The following NBEAL2 variants were observed in gnomAD, a reference collection of about 807,000 sequenced individuals.
NBEAL2 encodes neurobeachin-like protein 2.
A neutral mutation model predicts 299.8 loss-of-function variants in NBEAL2; 160 were observed. That is an observed-to-expected ratio of 0.53 (90% CI 0.47 to 0.61). The LOEUF is 0.61. Among genes scored for constraint, NBEAL2 ranks in the 20% least tolerant of loss-of-function variants. The pLI is 0.00. For missense variants in NBEAL2, 3,112 were observed against 3,649.0 expected (o/e 0.85, Z 3.79); for synonymous variants, 1,493 against 1,542.3 (o/e 0.97, Z 0.75).
In NBEAL2 at chr3:46,998,823, G is replaced by A. The variant is rs775822633; in HGVS notation, c.3328G>A (p.Val1110Met). Residue 1110 changes from valine (V) to methionine (M), a missense_variant, in exon 23 of 54, where the codon GTG (valine) becomes ATG (methionine). Val to Met is a conservative substitution (Grantham distance 21). This residue lies in a region of NBEAL2 where 2,243 missense variants were observed against 2,538.1 expected (regional missense o/e 0.88). Transcript: ENST00000450053. ...FLVRSLSADDVQVTQTMLSFL... is the reference protein window; with the variant it reads ...FLVRSLSADDMQVTQTMLSFL... ...GGTGCGGAGTCTCTCAGCAGATGACGTGCAGGTCACGCAGACCATGCTGAG... is the reference window on the plus strand; with the variant it reads ...GGTGCGGAGTCTCTCAGCAGATGACATGCAGGTCACGCAGACCATGCTGAG... The A allele has an allele frequency of 9.5e-6, 15 of 1,572,464 alleles. No homozygotes were observed. The highest frequency in any genetic ancestry group is 2.4e-5 in the East Asian group (1 of 42,528).
At chr3:46,997,796 G>A in intron 20 of NBEAL2, 102 bp downstream of exon 20, 2 of 1,398,852 alleles carry the variant, frequency 1.4e-6, no homozygotes, top group East Asian at 2.5e-5. Flanking sequence ...AACCTCCTGG[G>A]AGAGTTGCCA....
Position 46,989,043 on chromosome 3 carries a change from A to G in NBEAL2, c.270-42A>G, listed in dbSNP as rs1334536061. The G allele has an allele frequency of 4.3e-6, 7 of 1,611,844 alleles. No homozygotes were observed. The highest frequency in any genetic ancestry group is 5.9e-6 in the Non-Finnish European group (7 of 1,178,854). ...AGAGGGAGAGGGGACAAGGAGGGGC[A>G]TGGTGTATTATTGTGACCTCTCTCA... On this transcript the variant is annotated intron_variant, in intron 3 of 53. Transcript: ENST00000450053. The surrounding 1 kb of genome is among the most constrained non-coding windows in gnomAD (Gnocchi z 5.5).
chr3:46,998,019 C>T, intron 20 of NBEAL2, 48 bp from the exon 21 acceptor site: 1 of 1,514,398 alleles, frequency 6.6e-7, no homozygotes, highest in South Asian at 1.3e-5. Flanking sequence ...GCTCAGACAG[C>T]AGACAGGCAG....
rs1298460797 is a variant in NBEAL2, at chr3:47,008,075, T to C, written c.7608T>C (p.Gly2536=). Residue 2536 remains glycine (G), a synonymous_variant, in exon 50 of 54, where the codon GGT becomes GGC. Coordinates refer to ENST00000450053, the MANE Select transcript of NBEAL2 (RefSeq NM_015175.3). ...CCAACCCTGGTCCTCCACAGGGTGGTCTGTCAGTAGGCCTGGCACCAAAGC... is the reference window on the plus strand; with the variant it reads ...CCAACCCTGGTCCTCCACAGGGTGGCCTGTCAGTAGGCCTGGCACCAAAGC... ...CMVWRLLHQG[G]LSVGLAPKPV... The C allele has an allele frequency of 6.2e-7, 1 of 1,613,756 alleles. No homozygotes were observed. The highest frequency in any genetic ancestry group is 8.5e-7 in the Non-Finnish European group (1 of 1,179,842).
At position 47,000,308 on chromosome 3, in the gene NBEAL2, C is replaced by G; in HGVS notation, c.4209C>G (p.Gly1403=). ...CGCGGCCCTTTCCTGCTGCTCCTGG[C>G]CGCCACAGCTCCAGTCTCTCCAATG... ...DGPRPFPAAP[G]RHSSSLSNVL... is the part of the protein sequence containing the mutation. Residue 1403 remains glycine, a synonymous_variant, in exon 27 of 54, where the codon GGC becomes GGG. Transcript: ENST00000450053. The surrounding 1 kb of genome is among the most constrained non-coding windows in gnomAD (Gnocchi z 4.5). 1 of 1,612,172 alleles carries G rather than the reference C, an allele frequency of 6.2e-7. No homozygotes were observed.
At chr3:47,006,612 G>A (rs2037465054) in intron 45 of NBEAL2, among the ~76,000 whole-genome samples, 163 bp downstream of exon 45, 1 of 152,196 alleles carries the variant, frequency 6.6e-6, no homozygotes, top group African/African-American at 2.4e-5. Flanking sequence ...GGCAGGAGGG[G>A]TGCCTTCTTC....
chr3:46,997,097 C>T, intron 18 of NBEAL2, 51 bp downstream of exon 18: 1 of 1,572,930 alleles, frequency 6.4e-7, no homozygotes, highest in Non-Finnish European at 8.7e-7. Context: ...ATATGGGGCA[C>T]ATGTGTGTTC....
chr3:46,998,129 G>A lies in NBEAL2; in HGVS notation c.3021G>A (p.Val1007=). The A allele has an allele frequency of 6.3e-7, 1 of 1,590,740 alleles. No homozygotes were observed. The highest frequency in any genetic ancestry group is 1.1e-5 in the South Asian group (1 of 87,684). ...CCGCCCAGCTGCTGATGGAGCAGGT[G>A]GCAGCTGAGGGCAGCGGGCCCCTCC... ...LMSAQLLMEQ[V]AAEGSGPLLY... is the part of the protein sequence containing the mutation. Residue 1007 remains valine (V), a synonymous_variant, in exon 21 of 54, where the codon GTG becomes GTA. Coordinates refer to ENST00000450053, the MANE Select transcript of NBEAL2 (RefSeq NM_015175.3).
rs562572487 is a variant in NBEAL2 at position 47,001,307 on chromosome 3, C to T, written c.4513C>T (p.Leu1505=). The change falls in exon 29 of 54, where the codon CTG becomes TTG. Residue 1505 remains leucine (L), a synonymous_variant. Transcript: ENST00000450053. This position sits in a 1 kb window ranked among gnomAD's most constrained non-coding sequence, Gnocchi z 6.1. ...CCTGGAGATGATGCTGGAGTCAGCC[C>T]TGACCGACATCAAAGAGGCCCCCGT... ...SLLEMMLESA[L]TDIKEAPVGV... 28 of 1,612,602 alleles carry T rather than the reference C, an allele frequency of 1.7e-5. No individual in the cohort carries two copies. In the South Asian group the frequency reaches 2.3e-4, roughly 13 times the overall value.
At chr3:46,996,859 T>G (rs753642902) in intron 17 of NBEAL2, 26 bp downstream of exon 17, 1 of 1,611,426 alleles carries the variant, frequency 6.2e-7, no homozygotes, top group South Asian at 1.1e-5. Context: ...AGGGGAGTGG[T>G]TGGCTCGACT....
At position 47,008,616 on chromosome 3, in the gene NBEAL2, T is replaced by C; in HGVS notation, c.7975T>C (p.Phe2659Leu). ...QPTALTVTED[F>L]VLLGTAQCAL... ...TACAGCCCTGACGGTGACAGAGGAC[T>C]TTGTGTTGCTGGGCACCGCCCAGTG... Residue 2659 changes from phenylalanine (F) to leucine (L), a missense_variant, in exon 52 of 54, where the codon TTT (phenylalanine) becomes CTT (leucine). Transcript: ENST00000450053. 6.2e-7 allele frequency: 1 copy of C among 1,613,524 alleles called. No individual in the cohort carries two copies. Among genetic ancestry groups the C allele is most frequent in the Non-Finnish European group, 8.5e-7 (1 of 1,179,836 alleles).
chr3:46,994,106 A>G, intron 11 of NBEAL2, 86 bp downstream of exon 11: 1 of 1,354,330 alleles, frequency 7.4e-7, no homozygotes, highest in South Asian at 1.3e-5. Context: ...GCCGGTGGCC[A>G]TAAGCATCCT....
Position 46,998,056 on chromosome 3 carries a change from T to C in NBEAL2, c.2959-11T>C. On this transcript the variant is annotated splice_polypyrimidine_tract_variant and intron_variant, in intron 20 of 53. Coordinates refer to ENST00000450053, the MANE Select transcript of NBEAL2 (RefSeq NM_015175.3). ...GCCTGAGCCCTCACTCCAGCTCCTG[T>C]CTTATCCCAGGTCCCAAGCTGGGCC... is the stretch of plus-strand genomic sequence containing the variant. 12 of 1,559,024 alleles carry C rather than the reference T, an allele frequency of 7.7e-6. No individual in the cohort carries two copies. The highest frequency in any genetic ancestry group is 1.0e-5 in the Non-Finnish European group (12 of 1,151,236).
chr3:46,984,854 G>A (rs1241414385), intron 1 of NBEAL2, among the ~76,000 whole-genome samples: 11 of 152,186 alleles, frequency 7.2e-5, no homozygotes, highest in Admixed American at 2.0e-4. Context: ...CAGGGAGCTC[G>A]GGCAGGCCAG....
chr3:46,989,431 TGGCCGCGCTGGGCCCAAGGAGG>T lies in NBEAL2; in HGVS notation c.473+53_474-56del. On this transcript the variant is annotated intron_variant, in intron 5 of 53. Transcript: ENST00000450053. The surrounding 1 kb of genome is among the most constrained non-coding windows in gnomAD (Gnocchi z 5.5). ...AACCCAGAGGAGGGTGGGGAGAGGATGGCCGCGCTGGGCCCAAGGAGGGGTGACGGCCAGGAGTGGTGAGAGC... is the reference window on the plus strand; with the variant it reads ...AACCCAGAGGAGGGTGGGGAGAGGATGGTGACGGCCAGGAGTGGTGAGAGC... The T allele has an allele frequency of 1.3e-6, 2 of 1,564,090 alleles. No individual in the cohort carries two copies. Among genetic ancestry groups the T allele is most frequent in the Non-Finnish European group, 1.7e-6 (2 of 1,154,424 alleles).
intron 26 of NBEAL2, 75 bp downstream of exon 26, chr3:46,999,790 T>C: frequency 6.3e-7 from 1 of 1,590,902 alleles, no homozygotes; most frequent in Non-Finnish European, 8.6e-7. Context: ...CTTGCCTGTC[T>C]CATGAGGGGT....
chr3:47,009,474 C>T lies in NBEAL2; in HGVS notation c.*154C>T, dbSNP rs561982419. On this transcript the variant is annotated 3_prime_UTR_variant, in exon 54 of 54. Coordinates refer to ENST00000450053, the MANE Select transcript of NBEAL2 (RefSeq NM_015175.3). The stretch of plus-strand genomic sequence containing the variant: ...TCAGGGATTGGCGGGCGATGTTACC[C>T]CCTCAGGGATTGGCGGGCGGAAGTC... 3 of 749,544 alleles carry T rather than the reference C, an allele frequency of 4.0e-6. No individual in the cohort carries two copies. The highest frequency in any genetic ancestry group is 2.5e-5 in the Admixed American group (1 of 39,558). 46.4% of individuals were successfully genotyped at this position (749,544 alleles called of 1,614,324 possible).
Position 47,001,782 on chromosome 3 carries a change from G to T in NBEAL2, c.4738G>T (p.Gly1580Cys). ...TGATCTCCGTGAGATGGCGCAGATT[G>T]GCCTACGGCTTGTACTTGGCTACAT... ...TADLREMAQI[G>C]LRLVLGYILL... Residue 1580 changes from glycine to cysteine, a missense_variant, in exon 30 of 54, where the codon GGC becomes TGC. Physicochemically the swap from Gly to Cys is radical, Grantham distance 159. This residue lies in a region of NBEAL2 where 2,243 missense variants were observed against 2,538.1 expected (regional missense o/e 0.88). Coordinates refer to ENST00000450053, the MANE Select transcript of NBEAL2 (RefSeq NM_015175.3). The surrounding 1 kb of genome is among the most constrained non-coding windows in gnomAD (Gnocchi z 6.1). The T allele has an allele frequency of 6.2e-7, 1 of 1,613,936 alleles. No individual in the cohort carries two copies. Among genetic ancestry groups the T allele is most frequent in the Non-Finnish European group, 8.5e-7 (1 of 1,179,902 alleles).
Position 46,996,386 on chromosome 3 carries a change from G to C in NBEAL2, c.2267G>C (p.Arg756Pro), listed in dbSNP as rs1226353474. Residue 756 changes from arginine to proline, a missense_variant, in exon 16 of 54, where the codon CGC (arginine) becomes CCC (proline). Arg to Pro is a moderately radical substitution (Grantham distance 103). This residue lies in a region of NBEAL2 where 2,243 missense variants were observed against 2,538.1 expected (regional missense o/e 0.88). Transcript: ENST00000450053. Reference sequence around the variant, plus strand: ...GCCTACACTCACCCCGCCCTCACCCGCTCCCAGTCAGTCCCAGCCTCCACA... The same window carrying C: ...GCCTACACTCACCCCGCCCTCACCCCCTCCCAGTCAGTCCCAGCCTCCACA... ...TLAYTHPALT[R>P]SQSVPASTGL... is the part of the protein sequence containing the mutation. 1.2e-6 allele frequency: 2 copies of C among 1,611,772 alleles called. No individual in the cohort carries two copies. The highest frequency in any genetic ancestry group is 1.7e-6 in the Non-Finnish European group (2 of 1,179,532).
Sources: allele counts gnomAD v4.1 joint callset (sites outside exome capture counted in the v4.1 genomes callset), GRCh38; gene constraint gnomAD v4.1.1; regional missense constraint gnomAD v4.1.1; non-coding constraint Gnocchi (gnomAD v3.1); transcripts MANE v1.5; gene names NCBI Gene and HGNC (gene_info 2026-07-23, HGNC 2026-07-21).